ACSL4: variants seen among roughly 807,000 people sequenced by gnomAD.
ACSL4 encodes the protein long-chain-fatty-acid--CoA ligase 4.
In ACSL4, 9 loss-of-function variants were observed where a neutral mutation model predicts 49.1. That is an observed-to-expected ratio of 0.18 (90% CI 0.11 to 0.32). The LOEUF is 0.32. Ranked by LOEUF, ACSL4 falls within the 10% of genes least tolerant of loss-of-function variation. The pLI, the probability that ACSL4 is intolerant of heterozygous loss-of-function variation, is 1.00. For synonymous variants in ACSL4, 191 were observed against 170.3 expected, an observed-to-expected ratio of 1.12 and a Z score of -0.95; for missense variants, 333 against 493.7, an observed-to-expected ratio of 0.67 and a Z score of 3.08.
chrX:109,652,677 T>A (rs1311696330), intron 15 of ACSL4, among the ~76,000 whole-genome samples: 3 of 111,406 alleles, frequency 2.7e-5, no homozygotes, highest in Admixed American at 9.6e-5. Flanking sequence ...TACTATATAT[T>A]TTTAGAAATA....
chrX:109,693,107 G>C (rs1468278621), intron 2 of ACSL4, among the ~76,000 whole-genome samples: 5 of 111,435 alleles, frequency 4.5e-5, no homozygotes, highest in African/African-American at 6.5e-5. Flanking sequence ...GGAGGAACCA[G>C]CTTAATAGGT....
intron 11 of ACSL4, among the ~76,000 whole-genome samples, chrX:109,667,892 CA>C (rs1208639189): frequency 1.1e-3 from 93 of 82,123 alleles, no homozygotes; most frequent in South Asian, 1.6e-3. Flanking sequence ...AACTCCATCT[CA>C]AAAAAAAAAA....
intron 9 of ACSL4, among the ~76,000 whole-genome samples, chrX:109,671,458 G>A (rs1236970794): frequency 9.3e-6 from 1 of 107,870 alleles, no homozygotes; most frequent in African/African-American, 3.4e-5. Context: ...GAGGTGGGGG[G>A]CAGCCCCCGC....
chrX:109,681,417 C>T, intron 4 of ACSL4, 42 bp from the exon 5 acceptor site: 1 of 924,930 alleles, frequency 1.1e-6, no homozygotes, highest in Non-Finnish European at 1.6e-6. Context: ...TAATAAACAT[C>T]TATTAGAAAT....
At chrX:109,666,264 A>G (rs2147401946) in intron 11 of ACSL4, among the ~76,000 whole-genome samples, 1 of 112,243 alleles carries the variant, frequency 8.9e-6, no homozygotes, top group East Asian at 2.8e-4. Flanking sequence ...GTAGTTAGGA[A>G]AGACATTATT....
intron 6 of ACSL4, 28 bp downstream of exon 6, chrX:109,680,970 A>C (rs1486246959): frequency 8.3e-7 from 1 of 1,201,271 alleles, no homozygotes; most frequent in Non-Finnish European, 1.1e-6. Flanking sequence ...GAATAGGTAA[A>C]TAAAATTGTT....
Position 109,680,989 on chromosome X carries a change from T to C in ACSL4, c.655+9A>G. 1 of 1,209,983 alleles carries C rather than the reference T, an allele frequency of 8.3e-7. No individual in the cohort carries two copies. Among genetic ancestry groups the C allele is most frequent in the Non-Finnish European group, 1.1e-6 (1 of 894,277 alleles). ...AGGTAAATAAAATTGTTTTTACTGC[T>C]TTACTTACAGTTTTCTGGGTTAGAT... On this transcript the variant is annotated intron_variant, in intron 6 of 15. Transcript: ENST00000672401.
chrX:109,727,390 C>A (rs1396338964), intron 1 of ACSL4, among the ~76,000 whole-genome samples: 1 of 111,817 alleles, frequency 8.9e-6, no homozygotes, highest in East Asian at 2.8e-4. Context: ...CTACAGCTCA[C>A]AACAGGGTCT....
At chrX:109,726,705 G>A (rs753021555) in intron 1 of ACSL4, among the ~76,000 whole-genome samples, 124 of 110,929 alleles carry the variant, frequency 1.1e-3, no homozygotes, top group African/African-American at 3.6e-3. Context: ...TTGAGACAGG[G>A]TCTCGCTCTA....
chrX:109,651,193 T>C (rs1409805520), intron 15 of ACSL4, among the ~76,000 whole-genome samples: 1 of 112,156 alleles, frequency 8.9e-6, no homozygotes, highest in East Asian at 2.8e-4. Context: ...AACAGTAATA[T>C]TAATCAACAG....
At chrX:109,707,712 A>AG (rs1011734014) in intron 1 of ACSL4, among the ~76,000 whole-genome samples, 18 of 111,703 alleles carry the variant, frequency 1.6e-4, no homozygotes, top group African/African-American at 5.9e-4. Flanking sequence ...GAAAAAAAAA[A>AG]TAGGAACAAC....
intron 3 of ACSL4, 87 bp from the exon 4 acceptor site, chrX:109,682,983 T>C: frequency 9.3e-7 from 1 of 1,073,149 alleles, no homozygotes; most frequent in South Asian, 2.0e-5. Context: ...AAAAATGCTC[T>C]TAAATGAACA....
intron 1 of ACSL4, among the ~76,000 whole-genome samples, chrX:109,722,498 T>A (rs759435410): frequency 8.9e-6 from 1 of 111,940 alleles, no homozygotes; most frequent in Non-Finnish European, 1.9e-5. Context: ...GGTTCAGTGT[T>A]TAATTCTTCG....
chrX:109,648,705 T>C (rs1603399088), intron 15 of ACSL4, among the ~76,000 whole-genome samples: 2 of 107,628 alleles, frequency 1.9e-5, no homozygotes, highest in African/African-American at 6.8e-5. Context: ...AAATAAAGGG[T>C]ATTCAATTAG....
chrX:109,724,899 G>A (rs138617841), intron 1 of ACSL4, among the ~76,000 whole-genome samples: 5,777 of 108,492 alleles, frequency 0.053, 408 homozygotes, highest in African/African-American at 0.18. Flanking sequence ...GCGACAGAGC[G>A]AGATTCCGTC....
intron 1 of ACSL4, among the ~76,000 whole-genome samples, chrX:109,714,367 T>C (rs150004988): frequency 0.067 from 7,533 of 112,262 alleles, 264 homozygotes; most frequent in Non-Finnish European, 0.11. Context: ...ATTTAAAAGT[T>C]TGTAAACTAA....
At position 109,669,081 on chromosome X, in the gene ACSL4, G is replaced by A. The variant is rs1225058197; in HGVS notation, c.1095C>T (p.Tyr365=). The A allele has an allele frequency of 1.7e-6, 2 of 1,193,328 alleles. No individual in the cohort carries two copies. Among genetic ancestry groups the A allele is most frequent in the African/African-American group, 1.8e-5 (1 of 56,722 alleles). Residue 365 remains tyrosine (Y), a synonymous_variant, in exon 10 of 16, where the codon TAC becomes TAT. Transcript: ENST00000672401. The part of the protein sequence containing the change: ...QKTLFKIGYD[Y]KLEQIKKGYD... ...ATCCCTTTTTGATCTGTTCCAATTTGTAATCATACCCTATCTTGAACAGAG... is the reference window on the plus strand; with the variant it reads ...ATCCCTTTTTGATCTGTTCCAATTTATAATCATACCCTATCTTGAACAGAG...
At position 109,643,914 on chromosome X, in the gene ACSL4, T is replaced by G; in HGVS notation, c.*115A>C. On this transcript the variant is annotated 3_prime_UTR_variant, in exon 16 of 16. Transcript: ENST00000672401. ...ACTTTTGGTTTTGTTTTCTTTTTAC[T>G]CTATCTTTAGAATGATATACCTTAC... 3.3e-6 allele frequency: 3 copies of G among 895,657 alleles called. No individual in the cohort carries two copies. The allele number at this position is 895,657 out of a possible 1,213,427, so 73.8% of individuals were successfully genotyped here.
intron 1 of ACSL4, among the ~76,000 whole-genome samples, chrX:109,726,204 G>A (rs749308123): frequency 8.9e-6 from 1 of 112,265 alleles, no homozygotes; most frequent in Admixed American, 9.4e-5. Context: ...TGGATCACCT[G>A]AGGTCAGGAG....
Sources: gnomAD v4.1 joint callset for allele counts (sites outside exome capture counted in the v4.1 genomes callset) on GRCh38, gnomAD v4.1.1 for gene constraint, MANE v1.5 for transcripts, NCBI Gene and HGNC (gene_info 2026-07-23, HGNC 2026-07-21) for gene names.